Variants in THSD7A observed in about 807,000 individuals in gnomAD.
THSD7A encodes the protein thrombospondin type 1 domain containing 7A, also known as thrombospondin type-1 domain-containing protein 7A.
In THSD7A, 96 loss-of-function variants were observed where a neutral mutation model predicts 231.3. That is an observed-to-expected ratio of 0.41 (90% CI 0.35 to 0.49). The LOEUF is 0.49. THSD7A is among the 20% of genes least tolerant of loss of function. THSD7A has a pLI of 0.05. For synonymous variants in THSD7A, 940 were observed against 743.3 expected (o/e 1.26, Z -4.30); for missense variants, 2,290 against 2,070.2 (o/e 1.11, Z -2.06).
chr7:11,617,209 T>C (rs1463154305), intron 2 of THSD7A, among the ~76,000 whole-genome samples: 7 of 152,178 alleles, frequency 4.6e-5, no homozygotes. Context: ...GTTCTCAACA[T>C]TCATCAGAAA....
At chr7:11,648,236 A>G (rs1782356999) in intron 1 of THSD7A, among the ~76,000 whole-genome samples, 1 of 152,078 alleles carries the variant, frequency 6.6e-6, no homozygotes, top group Admixed American at 6.6e-5. Context: ...CTTTAGAGCC[A>G]TAACAAGTGG....
At chr7:11,391,850 G>GGAAT (rs1253401969) in intron 23 of THSD7A, among the ~76,000 whole-genome samples, 2 of 152,016 alleles carry the variant, frequency 1.3e-5, no homozygotes. Flanking sequence ...GCTAGGGCAG[G>GGAAT]GAATCCCTGA....
intron 4 of THSD7A, among the ~76,000 whole-genome samples, chr7:11,567,466 G>A (rs1171710597): frequency 6.6e-6 from 1 of 152,118 alleles, no homozygotes; most frequent in African/African-American, 2.4e-5. Context: ...AGATTTAGGT[G>A]GGGACACGAA....
At chr7:11,582,513 G>A (rs184597417) in intron 4 of THSD7A, among the ~76,000 whole-genome samples, 9 of 151,972 alleles carry the variant, frequency 5.9e-5, no homozygotes, top group Admixed American at 3.3e-4. Flanking sequence ...CTATCCATGG[G>A]TTTACCAAAT....
chr7:11,411,074 C>CTT lies in THSD7A; in HGVS notation c.3798+131_3798+132dup, dbSNP rs1166948995. The CTT allele has an allele frequency of 1.6e-6, 1 of 623,908 alleles. No homozygotes were observed. Among genetic ancestry groups the CTT allele is most frequent in the African/African-American group, 1.9e-5 (1 of 53,974 alleles). The allele number at this position is 623,908 out of a possible 1,614,324, so 38.6% of individuals were successfully genotyped here. A position where few individuals can be genotyped will look rare whatever the true frequency, so the allele number is the denominator to read the frequency against. On this transcript the variant is annotated intron_variant, in intron 19 of 27. Coordinates refer to ENST00000423059, the MANE Select transcript of THSD7A (RefSeq NM_015204.3). This position sits in a 1 kb window ranked among gnomAD's most constrained non-coding sequence, Gnocchi z 4.1. ...GACATTGTGTCTTTTCAAGAACATA[C>CTT]TTAGCCTGTGAACAGTGCAGAAAAA...
At chr7:11,439,843 T>C (rs910796534) in intron 13 of THSD7A, among the ~76,000 whole-genome samples, 6 of 152,106 alleles carry the variant, frequency 3.9e-5, no homozygotes, top group African/African-American at 1.4e-4. Context: ...ATATAGAAGC[T>C]GCAGCAAGTT....
At chr7:11,658,674 C>A (rs1056457867) in intron 1 of THSD7A, among the ~76,000 whole-genome samples, 3 of 151,648 alleles carry the variant, frequency 2.0e-5, no homozygotes, top group African/African-American at 7.3e-5. Context: ...GAATATTTAA[C>A]TGTAGATAAG....
chr7:11,463,485 G>T (rs1785580219), intron 9 of THSD7A, among the ~76,000 whole-genome samples: 1 of 152,140 alleles, frequency 6.6e-6, no homozygotes, highest in Non-Finnish European at 1.5e-5. Context: ...TTGGGATGAA[G>T]GGCCTGGTTT....
chr7:11,802,424 G>A lies in THSD7A; in HGVS notation c.190+29333C>T, dbSNP rs544310171. Among the ~76,000 whole-genome samples the A allele has an allele frequency of 5.3e-5, 8 of 152,272 alleles. No homozygotes were observed. In the South Asian group the frequency reaches 1.2e-3, roughly 24 times the overall value. The stretch of plus-strand genomic sequence containing the variant: ...GTGTGTTGAAGGCCTTGAGACTGCA[G>A]ACCTGAGATTTTGAATGTGTGATCA... On this transcript the variant is annotated intron_variant, in intron 1 of 27. Coordinates refer to ENST00000423059, the MANE Select transcript of THSD7A (RefSeq NM_015204.3).
In THSD7A at chr7:11,637,075, C is replaced by A; in HGVS notation, c.191-114G>T. ...GTACATTAACTTCCCTGCGGTGTTA[C>A]AAAGTAGGTCTCTGGACACGACTGT... On this transcript the variant is annotated intron_variant, in intron 1 of 27. Transcript: ENST00000423059. This position sits in a 1 kb window ranked among gnomAD's most constrained non-coding sequence, Gnocchi z 4.2. 1.1e-6 allele frequency: 1 copy of A among 944,560 alleles called. No individual in the cohort carries two copies. The highest frequency in any genetic ancestry group is 1.6e-6 in the Non-Finnish European group (1 of 641,748). The allele number at this position is 944,560 out of a possible 1,614,324, so 58.5% of individuals were successfully genotyped here.
At chr7:11,656,895 T>C (rs1782730057) in intron 1 of THSD7A, among the ~76,000 whole-genome samples, 1 of 151,866 alleles carries the variant, frequency 6.6e-6, no homozygotes, top group African/African-American at 2.4e-5. Flanking sequence ...GGACAAACAT[T>C]TGTTATTTTC....
intron 2 of THSD7A, among the ~76,000 whole-genome samples, chr7:11,627,442 T>C (rs760572077): frequency 6.6e-6 from 1 of 152,078 alleles, no homozygotes. Flanking sequence ...TGTTGGTATA[T>C]AGCCTTTCAT....
intron 6 of THSD7A, among the ~76,000 whole-genome samples, chr7:11,488,188 C>T (rs185267489): frequency 7.2e-5 from 11 of 152,074 alleles, no homozygotes; most frequent in Non-Finnish European, 5.9e-5. Flanking sequence ...GGAGTAACTC[C>T]GATAATTATT....
chr7:11,682,023 G>A (rs963539368), intron 1 of THSD7A, among the ~76,000 whole-genome samples: 1 of 151,994 alleles, frequency 6.6e-6, no homozygotes, highest in African/African-American at 2.4e-5. Context: ...CATAAATATG[G>A]AGAAATAAAG....
At chr7:11,542,846 C>G (rs1197396514) in intron 5 of THSD7A, 116 bp downstream of exon 5, 2 of 1,170,262 alleles carry the variant, frequency 1.7e-6, no homozygotes, top group Admixed American at 5.6e-5. Context: ...AATTAATAGT[C>G]TTTAGCCATT....
intron 1 of THSD7A, among the ~76,000 whole-genome samples, chr7:11,711,682 C>T (rs144167573): frequency 2.2e-4 from 33 of 151,090 alleles, no homozygotes; most frequent in African/African-American, 7.3e-4. Context: ...CAACTGGTTA[C>T]TTCCCAGTGA....
chr7:11,760,415 A>T (rs1489243898), intron 1 of THSD7A, among the ~76,000 whole-genome samples: 1 of 151,958 alleles, frequency 6.6e-6, no homozygotes, highest in African/African-American at 2.4e-5. Flanking sequence ...GATTATAAAG[A>T]ACAGTATGGC....
At chr7:11,653,299 T>G (rs1001741010) in intron 1 of THSD7A, among the ~76,000 whole-genome samples, 1 of 151,964 alleles carries the variant, frequency 6.6e-6, no homozygotes, top group Middle Eastern at 3.4e-3. Context: ...GTCACACAAC[T>G]ATTTAGCAGT....
chr7:11,396,992 A>T (rs1322117559), intron 23 of THSD7A, among the ~76,000 whole-genome samples: 1 of 152,214 alleles, frequency 6.6e-6, no homozygotes, highest in Non-Finnish European at 1.5e-5. Flanking sequence ...TGAATCAATA[A>T]ACGTAATCCA....
Sources: allele counts gnomAD v4.1 joint callset (sites outside exome capture counted in the v4.1 genomes callset), GRCh38; gene constraint gnomAD v4.1.1; non-coding constraint Gnocchi (gnomAD v3.1); transcripts MANE v1.5; gene names NCBI Gene and HGNC (gene_info 2026-07-23, HGNC 2026-07-21).